LRPPRC: variants seen among roughly 807,000 people sequenced by gnomAD.
LRPPRC encodes leucine rich pentatricopeptide repeat containing, also known as leucine-rich PPR motif-containing protein, mitochondrial.
Under a neutral mutation model 180.3 loss-of-function variants are expected in LRPPRC, and 120 were observed. The observed-to-expected ratio is 0.67, with a 90% CI of 0.57 to 0.77. The LOEUF (loss-of-function observed/expected upper bound fraction) is 0.77. LRPPRC is among the 30% of genes least tolerant of loss of function. The pLI is 0.00. For missense variants in LRPPRC, 2,012 were observed against 1,657.2 expected, an observed-to-expected ratio of 1.21 and a Z score of -3.72; for synonymous variants, 723 against 600.0, an observed-to-expected ratio of 1.21 and a Z score of -3.00.
chr2:43,995,413 A>C (rs1307925308), intron 1 of LRPPRC, among the ~76,000 whole-genome samples: 2 of 152,208 alleles, frequency 1.3e-5, no homozygotes, highest in African/African-American at 4.8e-5. Flanking sequence ...GTTACTGATC[A>C]CCAACGGTGA....
At chr2:43,955,474 G>GAAAAAAAAAAAAAAAAAAA in intron 14 of LRPPRC, among the ~76,000 whole-genome samples, 1 of 115,270 alleles carries the variant, frequency 8.7e-6, no homozygotes, top group Non-Finnish European at 1.8e-5. Context: ...GTCTCAAAAA[G>GAAAAAAAAAAAAAAAAAAA]AAAAAAAAAA....
intron 27 of LRPPRC, among the ~76,000 whole-genome samples, chr2:43,922,333 T>G (rs543290006): frequency 6.6e-6 from 1 of 152,338 alleles, no homozygotes; most frequent in South Asian, 2.1e-4. Context: ...CTGTATTATG[T>G]TATGATTTAC....
At chr2:43,956,372 ATGT>A (rs888975664) in intron 14 of LRPPRC, among the ~76,000 whole-genome samples, 1 of 152,116 alleles carries the variant, frequency 6.6e-6, no homozygotes, top group African/African-American at 2.4e-5. Flanking sequence ...AGTGATACTG[ATGT>A]TGTGATTTTA....
intron 27 of LRPPRC, 70 bp downstream of exon 27, chr2:43,924,997 C>T (rs1159628777): frequency 1.4e-5 from 13 of 942,482 alleles, no homozygotes; most frequent in Non-Finnish European, 5.3e-6. Context: ...CCCTCAAAAC[C>T]AAATACTCCT....
At chr2:43,927,371 T>C (rs41527246) in intron 25 of LRPPRC, among the ~76,000 whole-genome samples, 12,505 of 152,142 alleles carry the variant, frequency 0.082, 596 homozygotes, top group South Asian at 0.14. Flanking sequence ...GACAGAAAAA[T>C]TGGTAGACTA....
At position 43,945,356 on chromosome 2, in the gene LRPPRC, A is replaced by G. The variant is rs761932371; in HGVS notation, c.2272T>C (p.Leu758=). 5 of 1,612,312 alleles carry G rather than the reference A, an allele frequency of 3.1e-6. No individual in the cohort carries two copies. The Admixed American group carries it at 6.7e-5, about 22-fold the overall frequency. ...TGKYVGLVRV[L]AKHGKLQDAI... ...CCTTGGAGCTTGCCATGCTTTGCCA[A>G]TACTCTTACAAGGCCTACATACTTG... is the stretch of plus-strand genomic sequence containing the variant. Residue 758 remains leucine (L), a synonymous_variant, in exon 22 of 38, where the codon TTG becomes CTG. Coordinates refer to ENST00000260665, the MANE Select transcript of LRPPRC (RefSeq NM_133259.4).
chr2:43,951,646 A>G (rs1672907513), intron 14 of LRPPRC, among the ~76,000 whole-genome samples: 1 of 152,212 alleles, frequency 6.6e-6, no homozygotes, highest in South Asian at 2.1e-4. Flanking sequence ...CAGCAAAGAA[A>G]GAGAAGGGGA....
At chr2:43,957,781 G>A (rs1264935668) in intron 13 of LRPPRC, among the ~76,000 whole-genome samples, 1 of 152,064 alleles carries the variant, frequency 6.6e-6, no homozygotes, top group East Asian at 1.9e-4. Context: ...TGTTGGACAT[G>A]GTGGCACCAT....
chr2:43,977,705 C>A (rs949951335), intron 3 of LRPPRC, among the ~76,000 whole-genome samples: 1 of 152,074 alleles, frequency 6.6e-6, no homozygotes, highest in African/African-American at 2.4e-5. Context: ...TCACTCAAAG[C>A]CTTCATTTTA....
intron 32 of LRPPRC, 56 bp downstream of exon 32, chr2:43,901,264 G>C: frequency 1.4e-6 from 2 of 1,422,054 alleles, no homozygotes; most frequent in Non-Finnish European, 2.0e-6. Context: ...GGTGGTATCT[G>C]AGGCAATGCC....
At chr2:43,986,513 T>C (rs1258336703) in intron 1 of LRPPRC, among the ~76,000 whole-genome samples, 1 of 152,196 alleles carries the variant, frequency 6.6e-6, no homozygotes, top group Non-Finnish European at 1.5e-5. Context: ...TTTAGAGCTA[T>C]CAAGAGTTTA....
At chr2:43,911,667 CA>C (rs1671265998) in intron 30 of LRPPRC, among the ~76,000 whole-genome samples, 1 of 151,578 alleles carries the variant, frequency 6.6e-6, no homozygotes, top group African/African-American at 2.4e-5. Context: ...GCTGGGATTA[CA>C]GGCACATGCC....
At chr2:43,935,194 T>A (rs1206373169) in intron 23 of LRPPRC, among the ~76,000 whole-genome samples, 1 of 152,206 alleles carries the variant, frequency 6.6e-6, no homozygotes, top group Non-Finnish European at 1.5e-5. Flanking sequence ...AAATTCTGAC[T>A]TTATGTAGAA....
intron 13 of LRPPRC, among the ~76,000 whole-genome samples, 168 bp downstream of exon 13, chr2:43,960,373 A>G (rs1430980689): frequency 6.6e-6 from 1 of 152,196 alleles, no homozygotes; most frequent in East Asian, 1.9e-4. Flanking sequence ...ATAACATTAA[A>G]ATTACTTCCA....
chr2:43,979,752 TA>T, intron 3 of LRPPRC, 73 bp downstream of exon 3: 1 of 1,349,818 alleles, frequency 7.4e-7, no homozygotes, highest in Non-Finnish European at 1.1e-6. Flanking sequence ...AGCATTTATG[TA>T]AACAAACACT....
At chr2:43,982,577 GGAAA>G (rs1178053071) in intron 1 of LRPPRC, 143 bp from the exon 2 acceptor site, 4 of 652,486 alleles carry the variant, frequency 6.1e-6, no homozygotes, top group Admixed American at 5.7e-5. Flanking sequence ...TGAACTAATG[GGAAA>G]GAAAGTTTTA....
At chr2:43,943,296 G>A (rs964844634) in intron 23 of LRPPRC, among the ~76,000 whole-genome samples, 12 of 152,026 alleles carry the variant, frequency 7.9e-5, no homozygotes, top group African/African-American at 2.2e-4. Flanking sequence ...AAAATACCCT[G>A]TGAAGAAAAG....
chr2:43,956,468 A>T (rs1398518237), intron 14 of LRPPRC, among the ~76,000 whole-genome samples: 1 of 124,572 alleles, frequency 8.0e-6, no homozygotes, highest in Non-Finnish European at 1.7e-5. Context: ...TTCAGCCAAA[A>T]AGAAAAAAAC....
At chr2:43,953,137 A>T (rs575480705) in intron 14 of LRPPRC, among the ~76,000 whole-genome samples, 34 of 152,318 alleles carry the variant, frequency 2.2e-4, no homozygotes, top group Admixed American at 2.0e-3. Flanking sequence ...TATGCCTCTC[A>T]GCAATTTCTC....
Sources: allele counts gnomAD v4.1 joint callset (sites outside exome capture counted in the v4.1 genomes callset), GRCh38; gene constraint gnomAD v4.1.1; transcripts MANE v1.5; gene names NCBI Gene and HGNC (gene_info 2026-07-23, HGNC 2026-07-21).